OSBP2: variants seen among roughly 807,000 people sequenced by gnomAD.
The protein encoded by OSBP2 is oxysterol-binding protein 2.
Under a neutral mutation model 96.0 loss-of-function variants are expected in OSBP2, and 66 were observed. The observed-to-expected ratio is 0.69, with a 90% confidence interval of 0.56 to 0.84. OSBP2 has a LOEUF of 0.84. OSBP2 is among the 40% of genes least tolerant of loss of function. The pLI is 0.00. For missense variants in OSBP2, 1,038 were observed against 1,222.7 expected (o/e 0.85, Z 2.25); for synonymous variants, 525 against 520.9 (o/e 1.01, Z -0.11).
chr22:30,694,829 C>G (rs2088992172), upstream of OSBP2: 5 of 585,820 alleles, frequency 8.5e-6, no homozygotes, highest in South Asian at 3.8e-4. Flanking sequence ...GCCGCGCGCA[C>G]GTGACTGCGC....
intron 2 of OSBP2, among the ~76,000 whole-genome samples, chr22:30,779,727 T>C (rs934920933): frequency 3.3e-5 from 5 of 152,172 alleles, no homozygotes; most frequent in Non-Finnish European, 7.4e-5. Context: ...TTTTTCAAAG[T>C]ATCCTCAGTT....
intron 2 of OSBP2, among the ~76,000 whole-genome samples, chr22:30,840,156 A>G (rs1490908149): frequency 6.6e-6 from 1 of 150,416 alleles, no homozygotes; most frequent in Non-Finnish European, 1.5e-5. Context: ...ACATGTATAC[A>G]TATGTAACTA....
chr22:30,876,921 G>T (rs961518512), intron 3 of OSBP2, among the ~76,000 whole-genome samples: 2 of 152,120 alleles, frequency 1.3e-5, no homozygotes, highest in Non-Finnish European at 2.9e-5. Flanking sequence ...CCTTGATCAG[G>T]GTCAGGAGGT....
intron 2 of OSBP2, among the ~76,000 whole-genome samples, chr22:30,799,766 G>T (rs2090824111): frequency 6.6e-6 from 1 of 152,230 alleles, no homozygotes; most frequent in Non-Finnish European, 1.5e-5. Flanking sequence ...ATCACTGGCA[G>T]CTCCTGTATT....
Position 30,890,316 on chromosome 22 carries a change from C to T in OSBP2, c.1624-412C>T, listed in dbSNP as rs1031641182. 4.6e-5 allele frequency among the ~76,000 whole-genome samples: 7 copies of T among 151,980 alleles called. No individual in the cohort carries two copies. Among genetic ancestry groups the T allele is most frequent in the African/African-American group, 1.2e-4 (5 of 41,358 alleles). On this transcript the variant is annotated intron_variant, in intron 7 of 13. Coordinates refer to ENST00000332585, the MANE Select transcript of OSBP2 (RefSeq NM_030758.4). The surrounding 1 kb of genome is among the most constrained non-coding windows in gnomAD (Gnocchi z 4.4). ...GCCTTGGGCCTAACCCATCCTGTGC[C>T]GGGCCCCATCACAGCTCGCAACATG...
intron 2 of OSBP2, among the ~76,000 whole-genome samples, chr22:30,835,218 G>A (rs2038607485): frequency 6.6e-6 from 1 of 151,856 alleles, no homozygotes; most frequent in Admixed American, 6.6e-5. Flanking sequence ...AGAAACCATT[G>A]TCTAATCCAA....
At position 30,840,725 on chromosome 22, in the gene OSBP2, TTCTG is replaced by T. The variant is rs1481466051; in HGVS notation, c.854-29702_854-29699del. 2.0e-5 allele frequency among the ~76,000 whole-genome samples: 3 copies of T among 152,136 alleles called. No individual in the cohort carries two copies. In the East Asian group the frequency reaches 5.8e-4, roughly 29 times the overall value. On this transcript the variant is annotated intron_variant, in intron 2 of 13. Coordinates refer to ENST00000332585, the MANE Select transcript of OSBP2 (RefSeq NM_030758.4). ...TAATAAATCTTACCTATTTGTTCCTTTCTGTATGGTGGGTGGGAGGACTTAATGA... is the reference window on the plus strand; with the variant it reads ...TAATAAATCTTACCTATTTGTTCCTTTATGGTGGGTGGGAGGACTTAATGA...
intron 1 of OSBP2, among the ~76,000 whole-genome samples, chr22:30,702,501 C>T (rs1242876489): frequency 6.6e-6 from 1 of 152,144 alleles, no homozygotes; most frequent in Non-Finnish European, 1.5e-5. Flanking sequence ...GTAACCCCAG[C>T]TACTCGGGAG....
At chr22:30,833,811 G>T (rs2038578875) in intron 2 of OSBP2, among the ~76,000 whole-genome samples, 1 of 152,078 alleles carries the variant, frequency 6.6e-6, no homozygotes, top group African/African-American at 2.4e-5. Flanking sequence ...GTCTAGTGTT[G>T]CACCTAAACC....
At chr22:30,713,304 C>T (rs1009838849) in intron 1 of OSBP2, among the ~76,000 whole-genome samples, 2 of 151,932 alleles carry the variant, frequency 1.3e-5, no homozygotes, top group Non-Finnish European at 2.9e-5. Flanking sequence ...TGGTCTTGAT[C>T]TCCTGACCTC....
At chr22:30,887,879 G>C (rs1411400527) in intron 4 of OSBP2, among the ~76,000 whole-genome samples, 1 of 152,206 alleles carries the variant, frequency 6.6e-6, no homozygotes, top group Admixed American at 6.5e-5. Context: ...GGGTGTCCTG[G>C]TGCCAGGTGG....
chr22:30,757,296 CT>C (rs1340868177), intron 2 of OSBP2, among the ~76,000 whole-genome samples: 2 of 152,226 alleles, frequency 1.3e-5, no homozygotes, highest in South Asian at 2.1e-4. Context: ...TGCGTCCCCC[CT>C]GCCATATGAA....
rs549493527 is a variant in OSBP2, at chr22:30,873,577, C to A, written c.1107+2895C>A. Among the ~76,000 whole-genome samples the A allele has an allele frequency of 3.3e-5, 5 of 152,270 alleles. No homozygotes were observed. In the East Asian group the frequency reaches 9.7e-4, roughly 29 times the overall value. On this transcript the variant is annotated intron_variant, in intron 3 of 13. Transcript: ENST00000332585. ...GGAGCTGCTTCTCCCACTGTGGGGGCCCCACTGCAACTCCATCCCACTCCC... is the reference window on the plus strand; with the variant it reads ...GGAGCTGCTTCTCCCACTGTGGGGGACCCACTGCAACTCCATCCCACTCCC...
intron 2 of OSBP2, among the ~76,000 whole-genome samples, chr22:30,817,724 C>A (rs1435957306): frequency 6.6e-6 from 1 of 152,136 alleles, no homozygotes; most frequent in East Asian, 1.9e-4. Context: ...ATGTGCTAGA[C>A]CACATTGGAG....
At position 30,846,650 on chromosome 22, in the gene OSBP2, C is replaced by T. The variant is rs1292643871; in HGVS notation, c.854-23779C>T. ...TTTACATTTCTCTAATAACTAATGA[C>T]ATGAGCATTTTTTCATGTGTTTATT... On this transcript the variant is annotated intron_variant, in intron 2 of 13. Coordinates refer to ENST00000332585, the MANE Select transcript of OSBP2 (RefSeq NM_030758.4). 5.3e-5 allele frequency among the ~76,000 whole-genome samples: 8 copies of T among 152,108 alleles called. No homozygotes were observed. In the South Asian group the frequency reaches 1.7e-3, roughly 32 times the overall value.
intron 12 of OSBP2, among the ~76,000 whole-genome samples, chr22:30,904,100 T>C (rs139482294): frequency 6.6e-6 from 1 of 152,310 alleles, no homozygotes; most frequent in Non-Finnish European, 1.5e-5. Context: ...AATCCCAGTC[T>C]TCCCTTTGGG....
chr22:30,781,915 G>A (rs895512041), intron 2 of OSBP2, among the ~76,000 whole-genome samples: 2 of 152,206 alleles, frequency 1.3e-5, no homozygotes, highest in Non-Finnish European at 2.9e-5. Flanking sequence ...GGGAGGCCGA[G>A]GTGGATGGAT....
At chr22:30,846,437 C>T (rs1250908504) in intron 2 of OSBP2, among the ~76,000 whole-genome samples, 1 of 152,168 alleles carries the variant, frequency 6.6e-6, no homozygotes, top group Admixed American at 6.5e-5. Context: ...AGGTGTGAGC[C>T]ACCGCACCCA....
At chr22:30,793,149 G>A (rs1393940993) in intron 2 of OSBP2, among the ~76,000 whole-genome samples, 4 of 152,356 alleles carry the variant, frequency 2.6e-5, no homozygotes, top group African/African-American at 9.6e-5. Context: ...CAACACTTTG[G>A]GAGGCTAAGG....
Sources: gnomAD v4.1 joint callset for allele counts (sites outside exome capture counted in the v4.1 genomes callset) on GRCh38, gnomAD v4.1.1 for gene constraint, Gnocchi (gnomAD v3.1) non-coding constraint, MANE v1.5 for transcripts, NCBI Gene and HGNC (gene_info 2026-07-23, HGNC 2026-07-21) for gene names.